Variants in NDST4 observed in about 807,000 individuals in gnomAD.
The protein encoded by NDST4 is N-heparan sulfate sulfotransferase 4.
In NDST4, 63 loss-of-function variants were observed where a neutral mutation model predicts 100.8. That is an observed-to-expected ratio of 0.62 (90% CI 0.51 to 0.77). The LOEUF is 0.77. Ranked by LOEUF, NDST4 falls within the 30% of genes least tolerant of loss-of-function variation. The pLI is 0.00. For synonymous variants in NDST4, 377 were observed against 361.8 expected, an observed-to-expected ratio of 1.04 and a Z score of -0.48; for missense variants, 943 against 1,018.4, an observed-to-expected ratio of 0.93 and a Z score of 1.01.
chr4:114,937,411 C>A lies in NDST4; in HGVS notation c.1314G>T (p.Lys438Asn), dbSNP rs1453233204. Residue 438 changes from lysine to asparagine, a missense_variant, in exon 5 of 14, where the codon AAG (lysine) becomes AAT (asparagine). By Grantham distance (94) the Lys-to-Asn change is moderately conservative. This residue lies in a region of NDST4 where 526 missense variants were observed against 634.1 expected (regional missense o/e 0.83). Coordinates refer to ENST00000264363, the MANE Select transcript of NDST4 (RefSeq NM_022569.3). ...TGGTGACTTGAATACCCCAGACCTT[C>A]TTCCAAGCTGCATACAGCTGAATGT... ...PVHIQLYAAW[K>N]KVWGIQVTST... 1.2e-6 allele frequency: 2 copies of A among 1,613,968 alleles called. No homozygotes were observed. Among genetic ancestry groups the A allele is most frequent in the Non-Finnish European group, 1.7e-6 (2 of 1,179,902 alleles).
intron 2 of NDST4, among the ~76,000 whole-genome samples, chr4:115,059,045 A>G (rs568668322): frequency 1.1e-4 from 16 of 151,986 alleles, no homozygotes; most frequent in African/African-American, 3.9e-4. Context: ...CCAAGCACTC[A>G]TATCTTTCTA....
At position 115,059,326 on chromosome 4, in the gene NDST4, C is replaced by T. The variant is rs573894446; in HGVS notation, c.978+16733G>A. Among the ~76,000 whole-genome samples, 23 of 152,162 alleles carry T rather than the reference C, an allele frequency of 1.5e-4. No individual in the cohort carries two copies. In the East Asian group the frequency reaches 4.1e-3, roughly 27 times the overall value. On this transcript the variant is annotated intron_variant, in intron 2 of 13. Coordinates refer to ENST00000264363, the MANE Select transcript of NDST4 (RefSeq NM_022569.3). ...AAGTTACCTTTTGTCTCATTGCTTA[C>T]AGAACCCCATCTCCATATTTGTAGA...
At chr4:114,855,468 G>T (rs1024584442) in intron 7 of NDST4, among the ~76,000 whole-genome samples, 1 of 152,128 alleles carries the variant, frequency 6.6e-6, no homozygotes, top group Non-Finnish European at 1.5e-5. Flanking sequence ...AGAGATAGGG[G>T]TCTAGTTTCA....
At chr4:114,947,838 G>A (rs1040048329) in intron 4 of NDST4, among the ~76,000 whole-genome samples, 1 of 151,878 alleles carries the variant, frequency 6.6e-6, no homozygotes, top group Non-Finnish European at 1.5e-5. Flanking sequence ...TAAAATATTA[G>A]GCTTTAAAAA....
intron 6 of NDST4, among the ~76,000 whole-genome samples, chr4:114,904,230 T>C (rs751787252): frequency 1.1e-4 from 16 of 151,934 alleles, no homozygotes; most frequent in Non-Finnish European, 2.2e-4. Context: ...GCAATATACA[T>C]TTTTTAACTA....
At chr4:114,901,022 T>A (rs1303346537) in intron 6 of NDST4, among the ~76,000 whole-genome samples, 2 of 152,098 alleles carry the variant, frequency 1.3e-5, no homozygotes, top group African/African-American at 4.8e-5. Flanking sequence ...ATATGATTTT[T>A]TTTTTTCCTT....
chr4:114,833,839 T>C, intron 11 of NDST4, 124 bp from the exon 12 acceptor site: 1 of 584,446 alleles, frequency 1.7e-6, no homozygotes, highest in South Asian at 2.3e-5. Context: ...AAATATGCCC[T>C]ACTTAGAATA....
At chr4:114,891,704 T>C (rs552435434) in intron 6 of NDST4, among the ~76,000 whole-genome samples, 1 of 152,244 alleles carries the variant, frequency 6.6e-6, no homozygotes, top group Non-Finnish European at 1.5e-5. Context: ...ACTGCATTAA[T>C]CACAGTCAAG....
chr4:114,904,390 A>G, intron 6 of NDST4, among the ~76,000 whole-genome samples: 1 of 152,066 alleles, frequency 6.6e-6, no homozygotes, highest in East Asian at 1.9e-4. Context: ...TTACTCTAGA[A>G]TTATACGTTA....
rs72900669 is a variant in NDST4 at position 115,106,380 on chromosome 4, A to G, written c.-247+7064T>C. ...TTGAGGTAATTTTATAATTGGAGAA[A>G]TTTTTTAAAAAAGAAACAGTCATCT... On this transcript the variant is annotated intron_variant, in intron 1 of 13. Transcript: ENST00000264363. Among the ~76,000 whole-genome samples, 440 of 152,110 alleles carry G rather than the reference A, an allele frequency of 2.9e-3. 3 individuals carry two copies. The highest frequency in any genetic ancestry group is 4.8e-3 in the South Asian group (23 of 4,814).
intron 1 of NDST4, among the ~76,000 whole-genome samples, chr4:115,105,872 C>A (rs1277293151): frequency 6.6e-6 from 1 of 152,112 alleles, no homozygotes; most frequent in African/African-American, 2.4e-5. Context: ...ATAAAGATAA[C>A]TATACTGCTC....
intron 4 of NDST4, among the ~76,000 whole-genome samples, chr4:114,965,357 C>A (rs553177973): frequency 6.6e-6 from 1 of 151,814 alleles, no homozygotes; most frequent in Non-Finnish European, 1.5e-5. Flanking sequence ...GAGTGTGCAG[C>A]CTATTATGAC....
At chr4:114,963,585 C>A (rs1235813745) in intron 4 of NDST4, among the ~76,000 whole-genome samples, 1 of 152,094 alleles carries the variant, frequency 6.6e-6, no homozygotes, top group Admixed American at 6.5e-5. Context: ...TATGTTAATA[C>A]CAATATCAAT....
At chr4:115,059,919 T>A (rs1262707985) in intron 2 of NDST4, among the ~76,000 whole-genome samples, 1 of 152,044 alleles carries the variant, frequency 6.6e-6, no homozygotes, top group East Asian at 1.9e-4. Flanking sequence ...GTATAGGAAC[T>A]AATTGGCATC....
intron 2 of NDST4, among the ~76,000 whole-genome samples, chr4:114,986,827 T>C (rs1417988660): frequency 3.1e-5 from 4 of 128,516 alleles, no homozygotes; most frequent in East Asian, 4.6e-4. Context: ...TATATATATA[T>C]ATATATTTTA....
At chr4:114,834,802 A>G (rs187290393) in intron 11 of NDST4, among the ~76,000 whole-genome samples, 3 of 152,278 alleles carry the variant, frequency 2.0e-5, no homozygotes, top group Non-Finnish European at 2.9e-5. Context: ...TTATCGGTCT[A>G]TTCAGGGATT....
intron 6 of NDST4, among the ~76,000 whole-genome samples, chr4:114,893,416 G>A (rs781081628): frequency 8.5e-5 from 13 of 152,052 alleles, no homozygotes; most frequent in Non-Finnish European, 1.3e-4. Context: ...ATTGTTTCCT[G>A]ACTTTTTAAT....
At chr4:114,958,070 C>A (rs1284442948) in intron 4 of NDST4, among the ~76,000 whole-genome samples, 1 of 152,232 alleles carries the variant, frequency 6.6e-6, no homozygotes, top group South Asian at 2.1e-4. Context: ...CTTCTCACAG[C>A]TCCACTAATC....
At chr4:115,105,013 C>T (rs1042178572) in intron 1 of NDST4, among the ~76,000 whole-genome samples, 2 of 152,090 alleles carry the variant, frequency 1.3e-5, no homozygotes, top group African/African-American at 4.8e-5. Context: ...ATTACCCCAT[C>T]CCAGATCATG....
Sources: allele counts gnomAD v4.1 joint callset (sites outside exome capture counted in the v4.1 genomes callset), GRCh38; gene constraint gnomAD v4.1.1; regional missense constraint gnomAD v4.1.1; transcripts MANE v1.5; gene names NCBI Gene and HGNC (gene_info 2026-07-23, HGNC 2026-07-21).